The following WDFY4 variants were observed in gnomAD, a reference collection of about 807,000 sequenced individuals.
WDFY4 encodes the protein WDFY family member 4.
Under a neutral mutation model 351.9 loss-of-function variants are expected in WDFY4, and 169 were observed. The ratio of observed to expected loss-of-function variants is 0.48; its 90% CI spans 0.42 to 0.55. The LOEUF (loss-of-function observed/expected upper bound fraction) is 0.55, where lower values mean the gene tolerates loss of function less well. Among genes scored for constraint, WDFY4 ranks in the 20% least tolerant of loss-of-function variants. The probability of loss-of-function intolerance (pLI) is 0.00; values close to 1 mark genes in which losing one functional copy is unlikely to be tolerated. For synonymous variants in WDFY4, 1,622 were observed against 1,574.6 expected (o/e 1.03, Z -0.71); for missense variants, 3,803 against 3,935.6 (o/e 0.97, Z 0.90).
chr10:48,876,878 C>T (rs1315688943), intron 42 of WDFY4, among the ~76,000 whole-genome samples, 155 bp from the exon 43 acceptor site: 1 of 152,178 alleles, frequency 6.6e-6, no homozygotes, highest in Non-Finnish European at 1.5e-5. Context: ...TGTCCATTTC[C>T]AGAAGCAGTG....
At chr10:48,774,357 C>G in intron 13 of WDFY4, 101 bp from the exon 14 acceptor site, 1 of 1,253,520 alleles carries the variant, frequency 8.0e-7, no homozygotes, top group South Asian at 1.3e-5. Flanking sequence ...GGCGCAGTCT[C>G]CTTGTTCCAC....
At chr10:48,859,949 T>C (rs2069276947) in intron 39 of WDFY4, among the ~76,000 whole-genome samples, 1 of 152,236 alleles carries the variant, frequency 6.6e-6, no homozygotes, top group Admixed American at 6.5e-5. Context: ...GGCAAAGAAT[T>C]TATCCATTTC....
intron 24 of WDFY4, among the ~76,000 whole-genome samples, chr10:48,798,715 AATAGGTTCTTT>A (rs1291545572): frequency 6.6e-6 from 1 of 152,238 alleles, no homozygotes; most frequent in Non-Finnish European, 1.5e-5. Context: ...CCAGTCAGGA[AATAGGTTCTTT>A]CTAGCTTCTT....
chr10:48,762,507 G>A (rs2065539543), intron 13 of WDFY4, among the ~76,000 whole-genome samples: 1 of 152,226 alleles, frequency 6.6e-6, no homozygotes, highest in Non-Finnish European at 1.5e-5. Flanking sequence ...CATTTCTCAT[G>A]GTTCTGTGGG....
chr10:48,726,184 C>T, intron 6 of WDFY4, 114 bp downstream of exon 6: 2 of 1,237,114 alleles, frequency 1.6e-6, no homozygotes, highest in African/African-American at 1.5e-5. Flanking sequence ...CTCTTGCAGC[C>T]TCTTATAGAA....
At chr10:48,961,460 C>T (rs1341167925) in intron 53 of WDFY4, among the ~76,000 whole-genome samples, 1 of 152,122 alleles carries the variant, frequency 6.6e-6, no homozygotes. Context: ...GAAGAAGAGC[C>T]TTAGGAAGCA....
At chr10:48,870,573 G>T (rs982337458) in intron 40 of WDFY4, among the ~76,000 whole-genome samples, 1 of 145,472 alleles carries the variant, frequency 6.9e-6, no homozygotes, top group Non-Finnish European at 1.5e-5. Flanking sequence ...AAAAAAAAAA[G>T]AAAGAAATTG....
At chr10:48,964,887 G>A (rs977916042) in intron 54 of WDFY4, among the ~76,000 whole-genome samples, 3 of 152,186 alleles carry the variant, frequency 2.0e-5, no homozygotes, top group African/African-American at 7.2e-5. Context: ...GGGGTGGGGA[G>A]GGGCTCCTTC....
At chr10:48,901,062 C>T (rs1837326672) in intron 46 of WDFY4, among the ~76,000 whole-genome samples, 1 of 152,182 alleles carries the variant, frequency 6.6e-6, no homozygotes, top group African/African-American at 2.4e-5. Context: ...AATTCAAGCC[C>T]TGCCTTCTAG....
chr10:48,831,208 G>T (rs7079766), intron 38 of WDFY4, among the ~76,000 whole-genome samples: 66,608 of 151,914 alleles, frequency 0.44, 15,488 homozygotes, highest in East Asian at 0.83. Context: ...GTTATCCACC[G>T]ACCAGCTTTG....
At chr10:48,742,142 A>G (rs1404224540) in intron 11 of WDFY4, among the ~76,000 whole-genome samples, 1 of 152,120 alleles carries the variant, frequency 6.6e-6, no homozygotes, top group African/African-American at 2.4e-5. Context: ...AGTGCTCAAG[A>G]AAGGTTTGAT....
chr10:48,699,483 C>T (rs2063421553), intron 1 of WDFY4, among the ~76,000 whole-genome samples: 1 of 152,108 alleles, frequency 6.6e-6, no homozygotes, highest in African/African-American at 2.4e-5. Context: ...AGGAGGGGCT[C>T]CTGTTTTGGA....
chr10:48,941,139 T>G (rs995138216), intron 47 of WDFY4, among the ~76,000 whole-genome samples: 4 of 152,128 alleles, frequency 2.6e-5, no homozygotes, highest in African/African-American at 9.7e-5. Flanking sequence ...AGGATCCAGC[T>G]GTGCAACCCT....
chr10:48,890,145 T>A (rs1484079301), intron 43 of WDFY4, among the ~76,000 whole-genome samples: 1 of 152,228 alleles, frequency 6.6e-6, no homozygotes, highest in Non-Finnish European at 1.5e-5. Flanking sequence ...CACATTTGAA[T>A]TCTAGTCCTG....
chr10:48,949,639 G>C (rs1369590431), intron 51 of WDFY4, among the ~76,000 whole-genome samples: 1 of 152,208 alleles, frequency 6.6e-6, no homozygotes, highest in Non-Finnish European at 1.5e-5. Flanking sequence ...GTGGGGAAGA[G>C]TGAGAGACGT....
At chr10:48,928,007 A>C (rs987537268) in intron 47 of WDFY4, among the ~76,000 whole-genome samples, 12 of 152,262 alleles carry the variant, frequency 7.9e-5, no homozygotes, top group Admixed American at 6.5e-4. Context: ...AACCAAAGGC[A>C]GACCTGGCCC....
intron 61 of WDFY4, among the ~76,000 whole-genome samples, chr10:48,982,196 G>A (rs1469206974): frequency 6.6e-6 from 1 of 152,206 alleles, no homozygotes; most frequent in Non-Finnish European, 1.5e-5. Flanking sequence ...CCTGGTCCTG[G>A]CTATTTCTCT....
intron 28 of WDFY4, among the ~76,000 whole-genome samples, chr10:48,809,375 A>G (rs544105242): frequency 6.6e-6 from 1 of 151,796 alleles, no homozygotes; most frequent in Non-Finnish European, 1.5e-5. Context: ...CATCATCACC[A>G]CATTAATCAC....
intron 50 of WDFY4, among the ~76,000 whole-genome samples, chr10:48,946,530 T>C (rs534541477): frequency 2.6e-5 from 4 of 152,380 alleles, no homozygotes; most frequent in African/African-American, 7.2e-5. Flanking sequence ...GTTTGTATAT[T>C]ACAGTGGTCC....
Sources: gnomAD v4.1 joint callset for allele counts (sites outside exome capture counted in the v4.1 genomes callset) on GRCh38, gnomAD v4.1.1 for gene constraint, MANE v1.5 for transcripts, NCBI Gene and HGNC (gene_info 2026-07-23, HGNC 2026-07-21) for gene names.